The following GPR75 variants were observed in gnomAD, a reference collection of about 807,000 sequenced individuals.
GPR75 encodes the protein G protein-coupled receptor 75.
Under a neutral mutation model 26.0 loss-of-function variants are expected in GPR75, and 27 were observed. That is an observed-to-expected ratio of 1.04 (90% CI 0.77 to 1.43). GPR75 has a LOEUF of 1.43. Ranked by LOEUF, GPR75 falls within the 40% of genes most tolerant of loss-of-function variation. The probability of loss-of-function intolerance (pLI) is 0.00; values close to 1 mark genes in which losing one functional copy is unlikely to be tolerated. For missense variants in GPR75, 699 were observed against 662.3 expected (o/e 1.06, Z -0.61); for synonymous variants, 285 against 256.3 (o/e 1.11, Z -1.07).
At position 53,859,861 on chromosome 2, in the gene GPR75, T is replaced by C; in HGVS notation, c.-143A>G. Reference sequence around the variant, plus strand: ...TGGCCGCAGCGCCGCCCCTCCTCCATCTCGCAGTCCGGACCCCAGCTCCGC... The same window carrying C: ...TGGCCGCAGCGCCGCCCCTCCTCCACCTCGCAGTCCGGACCCCAGCTCCGC... On this transcript the variant is annotated 5_prime_UTR_variant, in exon 1 of 2. It removes an upstream start codon present in the reference 5' UTR. Transcript: ENST00000394705. The C allele has an allele frequency of 6.5e-7, 1 of 1,532,584 alleles. No individual in the cohort carries two copies. Among genetic ancestry groups the C allele is most frequent in the Non-Finnish European group, 8.7e-7 (1 of 1,144,348 alleles). 94.9% of individuals were successfully genotyped at this position (1,532,584 alleles called of 1,614,324 possible). A position where few individuals can be genotyped will look rare whatever the true frequency, so the allele number is the denominator to read the frequency against.
At chr2:53,856,477 C>T (rs1173811570) in intron 1 of GPR75, among the ~76,000 whole-genome samples, 2 of 152,208 alleles carry the variant, frequency 1.3e-5, no homozygotes, top group Non-Finnish European at 1.5e-5. Context: ...CCAGAAGCCT[C>T]CAGCTGTTAA....
chr2:53,854,931 C>G (rs1678188705), intron 1 of GPR75, 66 bp from the exon 2 acceptor site: 2 of 596,368 alleles, frequency 3.4e-6, no homozygotes, highest in Admixed American at 5.9e-5. Context: ...GGAATTCATA[C>G]AGTGATCTCA....
chr2:53,854,088 G>A lies in GPR75; in HGVS notation c.669C>T (p.Ile223=). The A allele has an allele frequency of 6.2e-7, 1 of 1,614,172 alleles. No homozygotes were observed. The highest frequency in any genetic ancestry group is 8.5e-7 in the Non-Finnish European group (1 of 1,180,012). Residue 223 remains isoleucine, a synonymous_variant, in exon 2 of 2, where the codon ATC becomes ATT. Transcript: ENST00000394705. The part of the protein sequence containing the change: ...FCVAVVSVSY[I]MIAQTLRKNA... ...TCTTCCGCAGGGTCTGAGCAATCAT[G>A]ATGTAAGAGACAGAGACCACAGCAA...
rs940364935 is a variant in GPR75, at chr2:53,854,385, G to A, written c.372C>T (p.Thr124=). ...GAGACATGATGATGAAGCCTGAACT[G>A]GTGAGATGGAAAGTGAAGCAGAAAG... is the stretch of plus-strand genomic sequence containing the variant. ...PDAFCFTFHL[T]SSGFIIMSLK... Residue 124 remains threonine (T), a synonymous_variant, in exon 2 of 2, where the codon ACC becomes ACT. Coordinates refer to ENST00000394705, the MANE Select transcript of GPR75 (RefSeq NM_006794.4). The A allele has an allele frequency of 6.8e-6, 11 of 1,613,946 alleles. No homozygotes were observed. Among genetic ancestry groups the A allele is most frequent in the Non-Finnish European group, 9.3e-6 (11 of 1,179,996 alleles).
Position 53,854,418 on chromosome 2 carries a change from G to T in GPR75, c.339C>A (p.Ile113=), listed in dbSNP as rs1207457996. ...FVLFFSSASS[I]PDAFCFTFHL... is the part of the protein sequence containing the mutation. ...GGAAAGTGAAGCAGAAAGCATCCGGGATACTACTGGCTGAGCTGAAGAATA... is the reference window on the plus strand; with the variant it reads ...GGAAAGTGAAGCAGAAAGCATCCGGTATACTACTGGCTGAGCTGAAGAATA... Residue 113 remains isoleucine, a synonymous_variant, in exon 2 of 2, where the codon ATC becomes ATA. Transcript: ENST00000394705. 6.2e-7 allele frequency: 1 copy of T among 1,614,152 alleles called. No homozygotes were observed. The highest frequency in any genetic ancestry group is 8.5e-7 in the Non-Finnish European group (1 of 1,179,994).
chr2:53,854,461 G>A lies in GPR75; in HGVS notation c.296C>T (p.Pro99Leu). ...GAAGAATAACACAAAGGTGAACATG[G>A]GGGCTGTCACTCCACAAATGAAGAG... Reference protein sequence around the residue: ...CDLFICGVTAPMFTFVLFFSS... With the variant: ...CDLFICGVTALMFTFVLFFSS... The change falls in exon 2 of 2, where the codon CCC (proline) becomes CTC (leucine). Residue 99 changes from proline (P) to leucine (L), a missense_variant. Pro to Leu is a moderately conservative substitution (Grantham distance 98). Coordinates refer to ENST00000394705, the MANE Select transcript of GPR75 (RefSeq NM_006794.4). 3 of 1,614,126 alleles carry A rather than the reference G, an allele frequency of 1.9e-6. No individual in the cohort carries two copies. Among genetic ancestry groups the A allele is most frequent in the Non-Finnish European group, 2.5e-6 (3 of 1,179,992 alleles).
chr2:53,854,150 T>C lies in GPR75; in HGVS notation c.607A>G (p.Ile203Val), dbSNP rs1173896261. The change falls in exon 2 of 2, where the codon ATT (isoleucine) becomes GTT (valine). Residue 203 changes from isoleucine (I) to valine (V), a missense_variant. Physicochemically the swap from Ile to Val is conservative, Grantham distance 29 (BLOSUM62 3). Coordinates refer to ENST00000394705, the MANE Select transcript of GPR75 (RefSeq NM_006794.4). ...SSLIAGKGKA[I>V]LSLYVVDFTF... ...AAGTCGACCACATAGAGAGACAAAA[T>C]GGCTTTCCCTTTTCCAGCAATCAGA... 4.3e-6 allele frequency: 7 copies of C among 1,613,792 alleles called. No homozygotes were observed. The highest frequency in any genetic ancestry group is 1.6e-4 in the Middle Eastern group (1 of 6,084).
intron 1 of GPR75, among the ~76,000 whole-genome samples, chr2:53,858,153 T>A (rs1678279896): frequency 1.3e-5 from 2 of 152,096 alleles, no homozygotes. Flanking sequence ...TCTTCCACAC[T>A]CTTCACCACC....
In GPR75 at chr2:53,856,197, C is replaced by CT. The variant is rs200282110; in HGVS notation, c.-109-1333dup. On this transcript the variant is annotated intron_variant, in intron 1 of 1. Coordinates refer to ENST00000394705, the MANE Select transcript of GPR75 (RefSeq NM_006794.4). The stretch of plus-strand genomic sequence containing the variant: ...ATAACTTCTTGCTCCTTTTTCCTAA[C>CT]TTTTTTTTTTCTATTTTGCAATGAG... Among the ~76,000 whole-genome samples the CT allele has an allele frequency of 2.9e-4, 43 of 150,654 alleles. 1 individual carries two copies. The highest frequency in any genetic ancestry group is 1.1e-3 in the South Asian group (5 of 4,754).
Position 53,854,840 on chromosome 2 carries a change from A to G in GPR75, c.-84T>C, listed in dbSNP as rs1452009585. The G allele has an allele frequency of 8.0e-5, 84 of 1,046,996 alleles. No homozygotes were observed. The East Asian group carries it at 1.9e-3, about 24-fold the overall frequency. The allele number at this position is 1,046,996 out of a possible 1,614,324, so 64.9% of individuals were successfully genotyped here. On this transcript the variant is annotated 5_prime_UTR_variant, in exon 2 of 2. Transcript: ENST00000394705. ...TCAGCTCACAGATGAGCAATATGTG[A>G]CAAAAGAGGCCCAAGACAGATAAGC...
In GPR75 at chr2:53,853,577, T is replaced by C. The variant is rs746640060; in HGVS notation, c.1180A>G (p.Ile394Val). Residue 394 changes from isoleucine (I) to valine (V), a missense_variant, in exon 2 of 2, where the codon ATA becomes GTA. By Grantham distance (29) the Ile-to-Val change is conservative. Transcript: ENST00000394705. The part of the protein sequence containing the change: ...RRKVLWCLQY[I>V]GLGFFCCKQK... ...TTGCAGCAGAAAAAACCCAGGCCTA[T>C]GTATTGGAGGCACCAGAGCACTTTC... 1 of 1,614,062 alleles carries C rather than the reference T, an allele frequency of 6.2e-7. No homozygotes were observed. The highest frequency in any genetic ancestry group is 8.5e-7 in the Non-Finnish European group (1 of 1,179,914).
At chr2:53,858,895 C>T (rs963848880) in intron 1 of GPR75, among the ~76,000 whole-genome samples, 2 of 152,072 alleles carry the variant, frequency 1.3e-5, no homozygotes, top group African/African-American at 4.8e-5. Context: ...TAAGCTGGAA[C>T]ACCAGTCTTA....
intron 1 of GPR75, among the ~76,000 whole-genome samples, chr2:53,857,376 G>A (rs1459718147): frequency 6.6e-6 from 1 of 152,128 alleles, no homozygotes; most frequent in East Asian, 1.9e-4. Context: ...GGAAGAGCAG[G>A]GAGGTGATAC....
rs774327854 is a variant in GPR75, at chr2:53,854,444, A to T, written c.313T>A (p.Leu105Ile). The T allele has an allele frequency of 6.2e-7, 1 of 1,614,164 alleles. No individual in the cohort carries two copies. ...GVTAPMFTFV[L>I]FFSSASSIPD... The stretch of plus-strand genomic sequence containing the variant: ...ATACTACTGGCTGAGCTGAAGAATA[A>T]CACAAAGGTGAACATGGGGGCTGTC... Residue 105 changes from leucine (L) to isoleucine (I), a missense_variant, in exon 2 of 2, where the codon TTA (leucine) becomes ATA (isoleucine). By Grantham distance (5) the Leu-to-Ile change is conservative (BLOSUM62 2). Coordinates refer to ENST00000394705, the MANE Select transcript of GPR75 (RefSeq NM_006794.4).
In GPR75 at chr2:53,853,077, G is replaced by A. The variant is rs1678129430; in HGVS notation, c.*57C>T. On this transcript the variant is annotated 3_prime_UTR_variant, in exon 2 of 2. Coordinates refer to ENST00000394705, the MANE Select transcript of GPR75 (RefSeq NM_006794.4). ...GCCACTGATCTCAAGTTAGAATAAAGTCCATTACTATCAGAAACAAAAACT... is the reference window on the plus strand; with the variant it reads ...GCCACTGATCTCAAGTTAGAATAAAATCCATTACTATCAGAAACAAAAACT... The A allele has an allele frequency of 2.4e-6, 3 of 1,263,468 alleles. No homozygotes were observed. Among genetic ancestry groups the A allele is most frequent in the East Asian group, 4.7e-5 (2 of 42,976 alleles). 78.3% of individuals were successfully genotyped at this position (1,263,468 alleles called of 1,614,324 possible). A position where few individuals can be genotyped will look rare whatever the true frequency, so the allele number is the denominator to read the frequency against.
intron 1 of GPR75, among the ~76,000 whole-genome samples, chr2:53,856,250 A>G (rs1678222949): frequency 6.6e-6 from 1 of 152,036 alleles, no homozygotes. Context: ...ACAAATCTAC[A>G]TTGTCCCAAA....
At chr2:53,856,858 T>A (rs116694798) in intron 1 of GPR75, among the ~76,000 whole-genome samples, 1,896 of 151,790 alleles carry the variant, frequency 0.012, 38 homozygotes, top group African/African-American at 0.041. Flanking sequence ...TAGAATTTTT[T>A]AAAAATAGTA....
Position 53,853,785 on chromosome 2 carries a change from C to T in GPR75, c.972G>A (p.Val324=). 1 of 1,614,212 alleles carries T rather than the reference C, an allele frequency of 6.2e-7. No individual in the cohort carries two copies. The highest frequency in any genetic ancestry group is 8.5e-7 in the Non-Finnish European group (1 of 1,180,040). The stretch of plus-strand genomic sequence containing the variant: ...ACACCAGGACTGACAGCACAATGAT[C>T]ACACAGGTGACCACGGCTTTGGAAT... The part of the protein sequence containing the change: ...AKDSKAVVTC[V]IIVLSVLVCC... The change falls in exon 2 of 2, where the codon GTG becomes GTA. Residue 324 remains valine, a synonymous_variant. Transcript: ENST00000394705.
rs1678134281 is a variant in GPR75, at chr2:53,853,215, G to A, written c.1542C>T (p.Ala514=). 6.2e-7 allele frequency: 1 copy of A among 1,612,896 alleles called. No individual in the cohort carries two copies. ...NSFGFANSYI[A]MHYHTTNDLV... ...AGTCATTAGTGGTGTGATAATGCAT[G>A]GCAATATATGAATTGGCAAATCCAA... The change falls in exon 2 of 2, where the codon GCC becomes GCT. Residue 514 remains alanine (A), a synonymous_variant. Transcript: ENST00000394705.
Sources: gnomAD v4.1 joint callset for allele counts (sites outside exome capture counted in the v4.1 genomes callset) on GRCh38, gnomAD v4.1.1 for gene constraint, MANE v1.5 for transcripts, NCBI Gene and HGNC (gene_info 2026-07-23, HGNC 2026-07-21) for gene names.